The following IL23R variants were observed in gnomAD, a reference collection of about 807,000 sequenced individuals.
The protein encoded by IL23R is interleukin-23 receptor.
A neutral mutation model predicts 56.9 loss-of-function variants in IL23R; 34 were observed. The ratio of observed to expected loss-of-function variants is 0.60; its 90% CI spans 0.45 to 0.80. IL23R has a LOEUF of 0.80. IL23R is among the 30% of genes least tolerant of loss of function. The pLI is 0.00. For missense variants in IL23R, 635 were observed against 730.0 expected (o/e 0.87, Z 1.50); for synonymous variants, 230 against 249.2 (o/e 0.92, Z 0.73).
intron 7 of IL23R, among the ~76,000 whole-genome samples, chr1:67,233,929 C>CTGTGTGTGTG (rs57455484): frequency 2.2e-5 from 3 of 138,690 alleles, no homozygotes; most frequent in Non-Finnish European, 4.7e-5. Flanking sequence ...GTCATAAAGG[C>CTGTGTGTGTG]TGTGTGTGTG....
At chr1:67,159,240 A>G (rs1423968823) in intron 1 of IL23R, among the ~76,000 whole-genome samples, 1 of 145,926 alleles carries the variant, frequency 6.9e-6, no homozygotes, top group Non-Finnish European at 1.5e-5. Flanking sequence ...GACTATCACT[A>G]TCAGTGATTG....
upstream of IL23R, among the ~76,000 whole-genome samples, chr1:67,165,697 G>A (rs901551521): frequency 6.6e-6 from 1 of 152,212 alleles, no homozygotes; most frequent in Admixed American, 6.5e-5. Context: ...TATGCTAACT[G>A]AAATAAGCCA....
At chr1:67,249,920 ATTT>A (rs1652502509) in intron 9 of IL23R, among the ~76,000 whole-genome samples, 1 of 152,198 alleles carries the variant, frequency 6.6e-6, no homozygotes, top group Non-Finnish European at 1.5e-5. Flanking sequence ...TTGTGCTTTT[ATTT>A]CAATTTTAAT....
upstream of IL23R, among the ~76,000 whole-genome samples, chr1:67,164,631 C>CAGAAT (rs1646854078): frequency 9.3e-6 from 1 of 106,978 alleles, no homozygotes; most frequent in South Asian, 2.8e-4. Flanking sequence ...AACTCTGTCA[C>CAGAAT]AAAATAAAAT....
intron 1 of IL23R, among the ~76,000 whole-genome samples, chr1:67,146,779 ATC>A (rs1373895937): frequency 6.6e-6 from 1 of 152,210 alleles, no homozygotes; most frequent in Non-Finnish European, 1.5e-5. Context: ...AGACAAGTAA[ATC>A]TAAGACTAGA....
At chr1:67,229,410 G>C (rs1287062898) in intron 7 of IL23R, among the ~76,000 whole-genome samples, 1 of 152,162 alleles carries the variant, frequency 6.6e-6, no homozygotes, top group Admixed American at 6.5e-5. Context: ...TGCATCACCT[G>C]CCAGGAACCT....
rs143947678 is a variant in IL23R, at chr1:67,219,353, G to A, written c.799-221G>A. Among the ~76,000 whole-genome samples, 1,184 of 152,248 alleles carry A rather than the reference G, an allele frequency of 7.8e-3. 17 individuals are homozygous for A. The highest frequency in any genetic ancestry group is 0.027 in the African/African-American group (1,113 of 41,538). On this transcript the variant is annotated intron_variant, in intron 6 of 10. Coordinates refer to ENST00000347310, the MANE Select transcript of IL23R (RefSeq NM_144701.3). ...ACCGCACTCCAGCCTGGGCAATAGAGCGAGACTCCATCTCAAAAAAAGCAG... is the reference window on the plus strand; with the variant it reads ...ACCGCACTCCAGCCTGGGCAATAGAACGAGACTCCATCTCAAAAAAAGCAG...
intron 1 of IL23R, among the ~76,000 whole-genome samples, chr1:67,153,662 C>T (rs11209007): frequency 7.4e-4 from 112 of 151,854 alleles, no homozygotes; most frequent in Non-Finnish European, 1.3e-3. Context: ...GTTCTCATTG[C>T]GTTCAAAGAA....
chr1:67,243,634 T>G (rs1042893995), intron 9 of IL23R, among the ~76,000 whole-genome samples: 1 of 152,230 alleles, frequency 6.6e-6, no homozygotes, highest in African/African-American at 2.4e-5. Context: ...GCAAAGGACA[T>G]GAACTCATCC....
At chr1:67,262,531 A>G (rs956714984), downstream of IL23R, among the ~76,000 whole-genome samples, 5 of 152,126 alleles carry the variant, frequency 3.3e-5, no homozygotes, top group Admixed American at 1.3e-4. Context: ...AAATCCTTCT[A>G]TAGAGAAAGC....
chr1:67,213,439 A>C (rs971964736), intron 6 of IL23R, among the ~76,000 whole-genome samples: 1 of 152,156 alleles, frequency 6.6e-6, no homozygotes, highest in Non-Finnish European at 1.5e-5. Flanking sequence ...CAGCCCCTTT[A>C]GCTAAGGTAC....
intron 4 of IL23R, among the ~76,000 whole-genome samples, chr1:67,198,159 T>C (rs560065356): frequency 1.2e-4 from 19 of 152,266 alleles, no homozygotes; most frequent in African/African-American, 4.3e-4. Context: ...AAGCCATTCA[T>C]GAAGGGTCTG....
intron 4 of IL23R, among the ~76,000 whole-genome samples, chr1:67,186,265 C>A (rs1293439266): frequency 6.6e-6 from 1 of 152,206 alleles, no homozygotes; most frequent in Non-Finnish European, 1.5e-5. Flanking sequence ...CACTATCTCC[C>A]AGAACCTGGA....
intron 7 of IL23R, among the ~76,000 whole-genome samples, chr1:67,232,975 G>T (rs190989398): frequency 1.3e-5 from 2 of 151,748 alleles, no homozygotes; most frequent in Non-Finnish European, 2.9e-5. Flanking sequence ...CTGTTTCCCC[G>T]ATCACCATGA....
intron 4 of IL23R, among the ~76,000 whole-genome samples, chr1:67,194,435 T>C (rs1333883561): frequency 6.6e-6 from 1 of 152,210 alleles, no homozygotes; most frequent in Non-Finnish European, 1.5e-5. Context: ...TTAGGAGCTG[T>C]GTGCTGGGAA....
At position 67,150,467 on chromosome 1, in the gene IL23R, T is replaced by A. The variant is rs534434044; in HGVS notation, c.-634+11306T>A. On this transcript the variant is annotated intron_variant, in intron 1 of 10. Transcript: ENST00000637002. ...TCCCGGTGTGTGTTGTTCCCCTCCC[T>A]GTGTCCATGTGTTCTCATCGCTCAA... Among the ~76,000 whole-genome samples the A allele has an allele frequency of 2.0e-5, 3 of 152,018 alleles. No homozygotes were observed. In the East Asian group the frequency reaches 5.8e-4, roughly 30 times the overall value.
chr1:67,195,904 C>T (rs1648111611), intron 4 of IL23R, among the ~76,000 whole-genome samples: 1 of 152,160 alleles, frequency 6.6e-6, no homozygotes, highest in Non-Finnish European at 1.5e-5. Flanking sequence ...TCTCAGCAAG[C>T]ACGTTTCTTG....
intron 1 of IL23R, among the ~76,000 whole-genome samples, chr1:67,155,607 C>T (rs975033653): frequency 2.0e-5 from 3 of 152,144 alleles, no homozygotes; most frequent in Admixed American, 6.6e-5. Context: ...GTGTATGCTT[C>T]ATTAAGTTCT....
chr1:67,197,722 A>G (rs1333383379), intron 4 of IL23R, among the ~76,000 whole-genome samples: 3 of 152,182 alleles, frequency 2.0e-5, no homozygotes, highest in Non-Finnish European at 2.9e-5. Context: ...AGGCAAGAGG[A>G]TCACTTGAGC....
Sources: allele counts gnomAD v4.1 joint callset (sites outside exome capture counted in the v4.1 genomes callset), GRCh38; gene constraint gnomAD v4.1.1; transcripts MANE v1.5; gene names NCBI Gene and HGNC (gene_info 2026-07-23, HGNC 2026-07-21).